Variants in BLTP1 observed in about 807,000 individuals in gnomAD.
BLTP1 encodes the protein fragile site-associated protein.
chr4:122,220,962 A>C, the BLTP1 span: 1 of 340,378 alleles, frequency 2.9e-6, no homozygotes, highest in Non-Finnish European at 4.2e-6. Context: ...ATATTCATCA[A>C]GTGAGAATTT....
At chr4:122,190,596 TA>T in the BLTP1 span, 3 of 617,908 alleles carry the variant, frequency 4.9e-6, no homozygotes, top group Non-Finnish European at 6.1e-6. Flanking sequence ...AAGAGAACAT[TA>T]TTTTTTTCAA....
chr4:122,266,405 A>T, the BLTP1 span, among the ~76,000 whole-genome samples: 1 of 152,174 alleles, frequency 6.6e-6, no homozygotes, highest in Admixed American at 6.5e-5. Flanking sequence ...CAACTTTGTG[A>T]ATGTAATATA....
the BLTP1 span, among the ~76,000 whole-genome samples, chr4:122,241,978 T>C: frequency 1.2e-4 from 18 of 152,032 alleles, no homozygotes; most frequent in Non-Finnish European, 2.2e-4. Flanking sequence ...AAAAATGACA[T>C]GTATTGGTGA....
At chr4:122,189,695 GA>G in the BLTP1 span, 1 of 912,696 alleles carries the variant, frequency 1.1e-6, no homozygotes, top group Non-Finnish European at 1.3e-6. Context: ...AACTGAAAAT[GA>G]AAAATATAAA....
At chr4:122,211,713 A>C in the BLTP1 span, among the ~76,000 whole-genome samples, 1 of 152,186 alleles carries the variant, frequency 6.6e-6, no homozygotes, top group Non-Finnish European at 1.5e-5. Flanking sequence ...GTAATTGCAC[A>C]GTATGACAGC....
chr4:122,337,007 A>G, the BLTP1 span: 1 of 1,607,802 alleles, frequency 6.2e-7, no homozygotes, highest in Admixed American at 1.7e-5. Context: ...GTTGTGGTTT[A>G]TGTACGAGTT....
the BLTP1 span, among the ~76,000 whole-genome samples, chr4:122,155,628 G>A: frequency 1.3e-5 from 2 of 152,038 alleles, no homozygotes; most frequent in Non-Finnish European, 2.9e-5. Context: ...CTGGTGAAAT[G>A]AGGATTTTTG....
the BLTP1 span, chr4:122,273,275 C>A: frequency 1.7e-5 from 17 of 975,242 alleles, no homozygotes; most frequent in Non-Finnish European, 2.1e-5. Flanking sequence ...CTGTTTTGTA[C>A]CCTAAACATT....
chr4:122,323,605 A>G, the BLTP1 span, among the ~76,000 whole-genome samples: 11 of 152,032 alleles, frequency 7.2e-5, no homozygotes, highest in Non-Finnish European at 1.5e-4. Context: ...CTTAACTCCC[A>G]GAGAATATAG....
chr4:122,170,888 C>A, the BLTP1 span: 1 of 563,076 alleles, frequency 1.8e-6, no homozygotes, highest in Non-Finnish European at 3.0e-6. Flanking sequence ...ATTTATATTT[C>A]TTGAACATTT....
chr4:122,271,108 C>T, the BLTP1 span: 21 of 1,613,700 alleles, frequency 1.3e-5, 1 homozygote, highest in African/African-American at 1.3e-5. Context: ...TGGAAAAGTC[C>T]GTGTGCACCC....
chr4:122,294,340 C>T, the BLTP1 span, among the ~76,000 whole-genome samples: 1 of 152,208 alleles, frequency 6.6e-6, no homozygotes, highest in South Asian at 2.1e-4. Flanking sequence ...CAGACACCTC[C>T]TGTAGGAGTG....
At chr4:122,156,960 G>T in the BLTP1 span, among the ~76,000 whole-genome samples, 2 of 152,166 alleles carry the variant, frequency 1.3e-5, no homozygotes, top group Non-Finnish European at 2.9e-5. Flanking sequence ...CAAAGTTTAT[G>T]CAGGAGACTC....
the BLTP1 span, chr4:122,348,862 A>G: frequency 3.3e-6 from 2 of 611,130 alleles, no homozygotes; most frequent in Non-Finnish European, 5.5e-6. Context: ...TATCCTGAAA[A>G]TGGCTTAATT....
chr4:122,152,901 C>A, the BLTP1 span: 1 of 727,618 alleles, frequency 1.4e-6, no homozygotes, highest in Non-Finnish European at 1.7e-6. Flanking sequence ...ACCGTGCACC[C>A]GCAGGCTCGG....
chr4:122,262,990 C>T, the BLTP1 span: 12 of 1,610,666 alleles, frequency 7.5e-6, no homozygotes, highest in South Asian at 2.2e-5. Flanking sequence ...ACAGGTACGT[C>T]CTCTAGATTT....
At chr4:122,246,207 C>G in the BLTP1 span, 3 of 1,606,374 alleles carry the variant, frequency 1.9e-6, no homozygotes, top group African/African-American at 2.7e-5. Flanking sequence ...ACAATAGGAA[C>G]GACTAACCAA....
chr4:122,313,628 G>T, the BLTP1 span: 3 of 1,586,142 alleles, frequency 1.9e-6, no homozygotes, highest in Non-Finnish European at 2.6e-6. Flanking sequence ...TTTTGTACAG[G>T]TGTAGTTCCA....
the BLTP1 span, among the ~76,000 whole-genome samples, chr4:122,259,268 G>A: frequency 6.6e-6 from 1 of 152,160 alleles, no homozygotes; most frequent in Non-Finnish European, 1.5e-5. Context: ...AAAGTGGTTA[G>A]AGTACCACCT....
Sources: gnomAD v4.1 joint callset for allele counts (sites outside exome capture counted in the v4.1 genomes callset) on GRCh38, gnomAD v4.1.1 for gene constraint, MANE v1.5 for transcripts, NCBI Gene and HGNC (gene_info 2026-07-23, HGNC 2026-07-21) for gene names.